Variants in TPRG1 observed in about 807,000 individuals in gnomAD.
TPRG1 encodes tumor protein p63 regulated 1.
In TPRG1, 29 loss-of-function variants were observed where a neutral mutation model predicts 29.3. That is an observed-to-expected ratio of 0.99 (90% CI 0.74 to 1.35). TPRG1 has a LOEUF of 1.35. TPRG1 is among the 40% of genes most tolerant of loss of function. The probability of loss-of-function intolerance (pLI) is 0.00; values close to 1 mark genes in which losing one functional copy is unlikely to be tolerated. For synonymous variants in TPRG1, 130 were observed against 116.8 expected (o/e 1.11, Z -0.73); for missense variants, 327 against 335.0 (o/e 0.98, Z 0.19).
intron 5 of TPRG1, chr3:189,312,975 A>G (rs1183829669): frequency 6.6e-6 from 1 of 152,178 alleles, no homozygotes; most frequent in Non-Finnish European, 1.5e-5. Flanking sequence ...TAGCCAATCA[A>G]ACTACTTCGC....
intron 1 of TPRG1, among the ~76,000 whole-genome samples, chr3:189,112,300 G>A (rs1720627305): frequency 6.6e-6 from 1 of 152,126 alleles, no homozygotes; most frequent in African/African-American, 2.4e-5. Context: ...GGTAATGCCA[G>A]CCTCATAAAA....
At chr3:189,068,817 G>A (rs1445570968) in intron 4 of TPRG1, among the ~76,000 whole-genome samples, 1 of 151,904 alleles carries the variant, frequency 6.6e-6, no homozygotes, top group Non-Finnish European at 1.5e-5. Context: ...GGAGGGAGGA[G>A]GGAGGAGGGA....
At chr3:189,101,957 A>G (rs899839355) in intron 1 of TPRG1, among the ~76,000 whole-genome samples, 2 of 152,150 alleles carry the variant, frequency 1.3e-5, no homozygotes, top group Non-Finnish European at 2.9e-5. Context: ...ATTTTTTTGC[A>G]GATGAGAAAA....
chr3:189,115,627 TTAAAC>T (rs557506035), intron 1 of TPRG1, among the ~76,000 whole-genome samples: 3 of 152,226 alleles, frequency 2.0e-5, no homozygotes, highest in Admixed American at 6.5e-5. Context: ...GGCCTGGGCT[TTAAAC>T]TACAAAAACT....
chr3:189,289,210 T>C (rs1718582441), intron 4 of TPRG1, among the ~76,000 whole-genome samples: 1 of 152,176 alleles, frequency 6.6e-6, no homozygotes, highest in African/African-American at 2.4e-5. Flanking sequence ...CTGCTTCTCT[T>C]CTGTAGGTCT....
At chr3:189,092,836 G>T (rs971378398) in intron 4 of TPRG1, among the ~76,000 whole-genome samples, 1 of 152,100 alleles carries the variant, frequency 6.6e-6, no homozygotes, top group Non-Finnish European at 1.5e-5. Flanking sequence ...CTGCATGCAA[G>T]GCCCTGTTCT....
intron 4 of TPRG1, among the ~76,000 whole-genome samples, chr3:189,262,073 T>C (rs1023356454): frequency 7.9e-5 from 12 of 152,066 alleles, no homozygotes; most frequent in African/African-American, 2.9e-4. Context: ...AAGAGATAGT[T>C]TGGAGAAAAG....
intron 4 of TPRG1, among the ~76,000 whole-genome samples, chr3:189,054,484 G>A (rs563269090): frequency 6.7e-6 from 1 of 150,084 alleles, no homozygotes; most frequent in East Asian, 2.1e-4. Flanking sequence ...TATTAATATT[G>A]TAATTATTTT....
chr3:189,120,746 C>T (rs1237307659), intron 1 of TPRG1, among the ~76,000 whole-genome samples: 4 of 152,116 alleles, frequency 2.6e-5, no homozygotes, highest in African/African-American at 9.7e-5. Context: ...GTTAAGAGGG[C>T]TCAGGAAATT....
intron 4 of TPRG1, chr3:189,310,151 T>G (rs940381275): frequency 1.9e-5 from 6 of 313,998 alleles, no homozygotes; most frequent in African/African-American, 1.3e-4. Flanking sequence ...CTAGCCACTG[T>G]TCTGAGTGTC....
At position 189,215,902 on chromosome 3, in the gene TPRG1, A is replaced by C. The variant is rs148696640; in HGVS notation, c.302+519A>C. Among the ~76,000 whole-genome samples, 105 of 152,348 alleles carry C rather than the reference A, an allele frequency of 6.9e-4. 1 individual carries two copies. In the East Asian group the frequency reaches 0.019, roughly 27 times the overall value. On this transcript the variant is annotated intron_variant, in intron 3 of 5. Coordinates refer to ENST00000345063, the MANE Select transcript of TPRG1 (RefSeq NM_198485.4). ...CAGAGTTAGGATAAAAACCAAGTCG[A>C]ACATTCAAGCCCTTATTGCTTCAAT...
chr3:189,006,721 AT>A (rs1473260585), intron 3 of TPRG1, among the ~76,000 whole-genome samples: 1 of 152,132 alleles, frequency 6.6e-6, no homozygotes, highest in African/African-American at 2.4e-5. Flanking sequence ...TTAAAAAAAA[AT>A]GTAGTAATTT....
At chr3:189,292,619 A>T (rs1560661495) in intron 4 of TPRG1, among the ~76,000 whole-genome samples, 1 of 151,816 alleles carries the variant, frequency 6.6e-6, no homozygotes, top group Admixed American at 6.6e-5. Flanking sequence ...CTTCTTCCCT[A>T]CTCTTCAAAC....
rs980934355 is a variant in TPRG1, at chr3:189,323,391, C to G, written c.*2571C>G. 2.0e-5 allele frequency: 3 copies of G among 152,006 alleles called. No individual in the cohort carries two copies. Among genetic ancestry groups the G allele is most frequent in the African/African-American group, 7.2e-5 (3 of 41,382 alleles). The allele number at this position is 152,006 out of a possible 1,614,324, so 9.4% of individuals were successfully genotyped here. ...AATTTCCTCTTCTGCGAAATGGAGACAATTATATTACTTTTGCTTATTTCA... is the reference window on the plus strand; with the variant it reads ...AATTTCCTCTTCTGCGAAATGGAGAGAATTATATTACTTTTGCTTATTTCA... On this transcript the variant is annotated 3_prime_UTR_variant, in exon 6 of 6. Coordinates refer to ENST00000345063, the MANE Select transcript of TPRG1 (RefSeq NM_198485.4).
intron 4 of TPRG1, among the ~76,000 whole-genome samples, chr3:189,025,404 T>A (rs1205618135): frequency 1.3e-5 from 2 of 152,208 alleles, no homozygotes; most frequent in African/African-American, 4.8e-5. Flanking sequence ...TGCATTGAAT[T>A]GCTTCCCTGA....
At chr3:189,219,572 G>A (rs911781966) in intron 3 of TPRG1, 2 of 1,267,438 alleles carry the variant, frequency 1.6e-6, no homozygotes, top group Non-Finnish European at 2.0e-6. Flanking sequence ...TTTTAGAACG[G>A]ATCCATTAAG....
At chr3:189,190,276 A>G (rs1391222011) in intron 1 of TPRG1, among the ~76,000 whole-genome samples, 2 of 152,288 alleles carry the variant, frequency 1.3e-5, no homozygotes, top group South Asian at 2.1e-4. Context: ...TTCTGAAAAA[A>G]TTCTCTAGAG....
intron 1 of TPRG1, among the ~76,000 whole-genome samples, chr3:188,997,643 ACTGT>A (rs924426476): frequency 3.9e-5 from 6 of 152,240 alleles, no homozygotes; most frequent in African/African-American, 1.4e-4. Context: ...CAAGTAATTC[ACTGT>A]CTGAGATAGC....
intron 1 of TPRG1, among the ~76,000 whole-genome samples, chr3:189,107,860 T>G (rs1454381791): frequency 6.6e-6 from 1 of 152,156 alleles, no homozygotes; most frequent in Non-Finnish European, 1.5e-5. Context: ...TCATCCAGGC[T>G]TTGATTCATT....
Sources: allele counts gnomAD v4.1 joint callset (sites outside exome capture counted in the v4.1 genomes callset), GRCh38; gene constraint gnomAD v4.1.1; transcripts MANE v1.5; gene names NCBI Gene and HGNC (gene_info 2026-07-23, HGNC 2026-07-21).